Variants in LHFPL6 observed in about 807,000 individuals in gnomAD.
LHFPL6 encodes the protein LHFPL tetraspan subfamily member 6, also known as LHFPL tetraspan subfamily member 6 protein.
Under a neutral mutation model 20.6 loss-of-function variants are expected in LHFPL6, and 9 were observed. That is an observed-to-expected ratio of 0.44 (90% CI 0.26 to 0.76). LHFPL6 has a LOEUF of 0.76. Ranked by LOEUF, LHFPL6 falls within the 30% of genes least tolerant of loss-of-function variation. LHFPL6 has a pLI of 0.20. For missense variants in LHFPL6, 218 were observed against 253.5 expected (o/e 0.86, Z 0.95); for synonymous variants, 105 against 98.7 (o/e 1.06, Z -0.38).
intron 2 of LHFPL6, among the ~76,000 whole-genome samples, chr13:39,551,569 C>T (rs1223020426): frequency 6.6e-6 from 1 of 152,170 alleles, no homozygotes; most frequent in Non-Finnish European, 1.5e-5. Context: ...ACTGCTTTTA[C>T]TATCCTAGCT....
chr13:39,395,098 C>T (rs1870809765), intron 2 of LHFPL6, among the ~76,000 whole-genome samples: 1 of 152,058 alleles, frequency 6.6e-6, no homozygotes, highest in Admixed American at 6.6e-5. Flanking sequence ...CCAGCTTCCT[C>T]CAGGGAAACT....
chr13:39,387,088 A>G (rs1208495951), intron 2 of LHFPL6, among the ~76,000 whole-genome samples: 1 of 152,158 alleles, frequency 6.6e-6, no homozygotes, highest in Non-Finnish European at 1.5e-5. Context: ...TGTAAGTATT[A>G]CATGTCCTGG....
intron 2 of LHFPL6, among the ~76,000 whole-genome samples, chr13:39,597,333 T>C (rs1872800592): frequency 6.6e-6 from 1 of 152,250 alleles, no homozygotes; most frequent in Admixed American, 6.5e-5. Flanking sequence ...TAATATGTCT[T>C]TACAACATTC....
chr13:39,377,518 A>T (rs1256544331), intron 3 of LHFPL6, among the ~76,000 whole-genome samples: 1 of 152,224 alleles, frequency 6.6e-6, no homozygotes, highest in Non-Finnish European at 1.5e-5. Context: ...TCATCATAAC[A>T]TGTCTTAAAA....
chr13:39,500,863 G>C (rs1211977826), intron 2 of LHFPL6, among the ~76,000 whole-genome samples: 1 of 152,104 alleles, frequency 6.6e-6, no homozygotes, highest in African/African-American at 2.4e-5. Context: ...AATTTGGATT[G>C]TGTCTCTCAG....
intron 2 of LHFPL6, among the ~76,000 whole-genome samples, chr13:39,566,281 G>A (rs1255524225): frequency 6.6e-6 from 1 of 152,110 alleles, no homozygotes; most frequent in Non-Finnish European, 1.5e-5. Context: ...ATTCATTTTT[G>A]TTAAGTTCTA....
intron 2 of LHFPL6, among the ~76,000 whole-genome samples, chr13:39,498,048 CGA>C (rs1490816872): frequency 1.3e-5 from 2 of 152,180 alleles, no homozygotes; most frequent in Non-Finnish European, 2.9e-5. Flanking sequence ...CTATCAGTCA[CGA>C]GATTAAAAAC....
At chr13:39,557,945 C>T (rs1281726149) in intron 2 of LHFPL6, among the ~76,000 whole-genome samples, 2 of 152,150 alleles carry the variant, frequency 1.3e-5, no homozygotes, top group Non-Finnish European at 2.9e-5. Context: ...CTGGCCATGA[C>T]ACACCTGCTC....
intron 2 of LHFPL6, among the ~76,000 whole-genome samples, chr13:39,568,409 C>T (rs1308037733): frequency 6.6e-6 from 1 of 151,928 alleles, no homozygotes; most frequent in Admixed American, 6.6e-5. Flanking sequence ...AGGACAATGA[C>T]CAATTCTGAA....
intron 3 of LHFPL6, among the ~76,000 whole-genome samples, chr13:39,344,373 A>G (rs1320699798): frequency 6.6e-6 from 1 of 152,176 alleles, no homozygotes; most frequent in African/African-American, 2.4e-5. Context: ...AGTTAATTGT[A>G]ACTTACATCA....
chr13:39,585,323 C>CA (rs1872414943), intron 2 of LHFPL6, among the ~76,000 whole-genome samples: 1 of 152,074 alleles, frequency 6.6e-6, no homozygotes, highest in South Asian at 2.1e-4. Flanking sequence ...TTGCTTTTCC[C>CA]AAAAATGTGA....
At chr13:39,394,985 CG>C (rs889951704) in intron 2 of LHFPL6, among the ~76,000 whole-genome samples, 3 of 152,162 alleles carry the variant, frequency 2.0e-5, no homozygotes, top group African/African-American at 7.2e-5. Flanking sequence ...CTACCCTAAG[CG>C]TGAGACACCG....
At chr13:39,512,834 G>GTC (rs1317838151) in intron 2 of LHFPL6, among the ~76,000 whole-genome samples, 6 of 152,306 alleles carry the variant, frequency 3.9e-5, no homozygotes, top group African/African-American at 9.6e-5. Flanking sequence ...TATTAAGAGA[G>GTC]TCTCTCTCTC....
intron 2 of LHFPL6, among the ~76,000 whole-genome samples, chr13:39,534,107 T>C (rs1439884377): frequency 6.6e-6 from 1 of 152,178 alleles, no homozygotes; most frequent in Non-Finnish European, 1.5e-5. Flanking sequence ...TGATGACAAG[T>C]AAAAAACAAG....
At chr13:39,590,601 A>G (rs538302296) in intron 2 of LHFPL6, among the ~76,000 whole-genome samples, 1 of 152,314 alleles carries the variant, frequency 6.6e-6, no homozygotes, top group East Asian at 1.9e-4. Context: ...ACCCTTGCCA[A>G]CCTGGAGAGT....
intron 2 of LHFPL6, among the ~76,000 whole-genome samples, chr13:39,457,681 G>A (rs1329956274): frequency 1.3e-5 from 2 of 152,194 alleles, no homozygotes; most frequent in Non-Finnish European, 2.9e-5. Context: ...AAGGGAGAAG[G>A]TGACTTGGTG....
chr13:39,345,512 CAAAAAAAAAAAAAAAAA>C (rs71077225), intron 3 of LHFPL6, among the ~76,000 whole-genome samples: 8,155 of 43,752 alleles, frequency 0.19, 732 homozygotes, highest in East Asian at 0.41. Context: ...GACTCCATCT[CAAAAAAAAAAAAAAAAA>C]AAAAAAAAAA....
At chr13:39,443,547 T>C (rs1372861293) in intron 2 of LHFPL6, among the ~76,000 whole-genome samples, 2 of 151,000 alleles carry the variant, frequency 1.3e-5, no homozygotes, top group African/African-American at 4.9e-5. Context: ...GTGAATGGAG[T>C]GGTAAGGGCA....
chr13:39,461,122 G>C (rs1359178271), intron 2 of LHFPL6, among the ~76,000 whole-genome samples: 1 of 152,104 alleles, frequency 6.6e-6, no homozygotes, highest in Non-Finnish European at 1.5e-5. Context: ...ATTCGCTTAG[G>C]ATGATGGCCT....
Sources: allele counts gnomAD v4.1 joint callset (sites outside exome capture counted in the v4.1 genomes callset), GRCh38; gene constraint gnomAD v4.1.1; transcripts MANE v1.5; gene names NCBI Gene and HGNC (gene_info 2026-07-23, HGNC 2026-07-21).